Variants in SLC9A9 observed in about 807,000 individuals in gnomAD.
SLC9A9 encodes the protein solute carrier family 9 member A9.
In SLC9A9, 62 loss-of-function variants were observed where a neutral mutation model predicts 77.8. The ratio of observed to expected loss-of-function variants is 0.80; its 90% CI spans 0.65 to 0.98. The LOEUF is 0.98. Ranked by LOEUF, SLC9A9 falls within the 50% of genes least tolerant of loss-of-function variation. The pLI is 0.00. For synonymous variants in SLC9A9, 320 were observed against 283.5 expected, an observed-to-expected ratio of 1.13 and a Z score of -1.29; for missense variants, 775 against 774.9, an observed-to-expected ratio of 1.00 and a Z score of 0.00.
chr3:143,489,553 G>A (rs1268633043), intron 11 of SLC9A9, among the ~76,000 whole-genome samples: 4 of 151,750 alleles, frequency 2.6e-5, no homozygotes. Context: ...AAAATGTAAG[G>A]CCTAAAACTA....
chr3:143,784,866 T>C (rs940675923), intron 4 of SLC9A9, among the ~76,000 whole-genome samples: 2 of 152,168 alleles, frequency 1.3e-5, no homozygotes, highest in African/African-American at 4.8e-5. Flanking sequence ...TAAGCCCTCA[T>C]GAGTGAGATG....
At chr3:143,297,066 T>C (rs770192325) in intron 14 of SLC9A9, among the ~76,000 whole-genome samples, 11 of 152,250 alleles carry the variant, frequency 7.2e-5, no homozygotes, top group Non-Finnish European at 1.6e-4. Flanking sequence ...TTGCTTTTAC[T>C]TCTGGTGTCA....
intron 4 of SLC9A9, among the ~76,000 whole-genome samples, chr3:143,758,820 A>G (rs1025844644): frequency 2.0e-5 from 3 of 152,120 alleles, no homozygotes; most frequent in Admixed American, 2.0e-4. Context: ...ATTTGAATGT[A>G]ATGTCTACAT....
Position 143,493,742 on chromosome 3 carries a change from G to A in SLC9A9, c.1226C>T (p.Ala409Val), listed in dbSNP as rs765355968. 2.5e-6 allele frequency: 4 copies of A among 1,613,858 alleles called. No individual in the cohort carries two copies. The South Asian group carries it at 3.3e-5, about 13-fold the overall frequency. The change falls in exon 11 of 16, where the codon GCC becomes GTC. Residue 409 changes from alanine to valine, a missense_variant. Transcript: ENST00000316549. ...GAAGGAGAGGGGATATATGTTGCAGGCTCTGGCAACAAAAATTGCTAGCTG... is the reference window on the plus strand; with the variant it reads ...GAAGGAGAGGGGATATATGTTGCAGACTCTGGCAACAAAAATTGCTAGCTG... ...GAFLAIFVAR[A>V]CNIYPLSFLL...
chr3:143,495,246 G>C (rs2035812599), intron 10 of SLC9A9, 89 bp downstream of exon 10: 3 of 1,139,008 alleles, frequency 2.6e-6, no homozygotes, highest in Non-Finnish European at 4.0e-6. Context: ...CTTTAGGAAA[G>C]TGCTTTAATG....
chr3:143,400,347 C>A (rs1177436663), intron 12 of SLC9A9, among the ~76,000 whole-genome samples: 2 of 152,094 alleles, frequency 1.3e-5, no homozygotes, highest in African/African-American at 4.8e-5. Flanking sequence ...TGCTCTACTA[C>A]TCAGCCGTAA....
chr3:143,600,333 G>A lies in SLC9A9; in HGVS notation c.756-21610C>T, dbSNP rs143339257. Among the ~76,000 whole-genome samples, 7 of 152,142 alleles carry A rather than the reference G, an allele frequency of 4.6e-5. No homozygotes were observed. In the East Asian group the frequency reaches 1.2e-3, roughly 25 times the overall value. On this transcript the variant is annotated intron_variant, in intron 6 of 15. Coordinates refer to ENST00000316549, the MANE Select transcript of SLC9A9 (RefSeq NM_173653.4). ...TTGAGAATGATGGTTTCCCATCAAC[G>A]ATAGATTAGATAAAGAAAATGTGGC...
chr3:143,370,027 G>A (rs958266042), intron 13 of SLC9A9, among the ~76,000 whole-genome samples: 1 of 152,210 alleles, frequency 6.6e-6, no homozygotes, highest in Non-Finnish European at 1.5e-5. Context: ...CTGACATCTT[G>A]ACTGCAACCT....
chr3:143,582,651 C>G (rs1306382436), intron 6 of SLC9A9, among the ~76,000 whole-genome samples: 1 of 152,144 alleles, frequency 6.6e-6, no homozygotes, highest in Non-Finnish European at 1.5e-5. Context: ...AGGAGTGGGG[C>G]TAAAATGTTC....
At chr3:143,459,042 A>G (rs1018337802) in intron 12 of SLC9A9, among the ~76,000 whole-genome samples, 2 of 151,986 alleles carry the variant, frequency 1.3e-5, no homozygotes, top group Non-Finnish European at 2.9e-5. Flanking sequence ...GCTAATTAAG[A>G]GAATATTTTG....
chr3:143,609,853 C>G (rs1331570028), intron 6 of SLC9A9, among the ~76,000 whole-genome samples: 8 of 152,092 alleles, frequency 5.3e-5, no homozygotes, highest in Non-Finnish European at 1.0e-4. Context: ...TAAACCAGTT[C>G]TGTACTGATG....
intron 12 of SLC9A9, among the ~76,000 whole-genome samples, chr3:143,430,009 C>G (rs1201152880): frequency 2.0e-5 from 3 of 152,226 alleles, no homozygotes; most frequent in African/African-American, 7.2e-5. Flanking sequence ...AAACCAGCCA[C>G]TCTGGTGCCC....
chr3:143,357,250 C>G (rs920731066), intron 14 of SLC9A9, among the ~76,000 whole-genome samples: 71 of 152,142 alleles, frequency 4.7e-4, no homozygotes, highest in African/African-American at 1.6e-3. Context: ...GTTCATCCCC[C>G]CATGAAATTC....
At position 143,388,121 on chromosome 3, in the gene SLC9A9, C is replaced by G. The variant is rs1003100340; in HGVS notation, c.1470-6007G>C. Among the ~76,000 whole-genome samples, 28 of 152,194 alleles carry G rather than the reference C, an allele frequency of 1.8e-4. 1 individual carries two copies. Among genetic ancestry groups the G allele is most frequent in the Admixed American group, 1.6e-3 (25 of 15,284 alleles). ...TGGCTGGAGATTGAGCACATAAATA[C>G]AGCTTGACAATGGAGGAGTCTGAAA... On this transcript the variant is annotated intron_variant, in intron 12 of 15. Coordinates refer to ENST00000316549, the MANE Select transcript of SLC9A9 (RefSeq NM_173653.4).
chr3:143,815,531 G>T (rs1314705888), intron 2 of SLC9A9, among the ~76,000 whole-genome samples: 1 of 151,406 alleles, frequency 6.6e-6, no homozygotes, highest in Non-Finnish European at 1.5e-5. Flanking sequence ...TTGAATGAAG[G>T]GCTTTTTGCT....
At chr3:143,568,376 C>T (rs1228288089) in intron 8 of SLC9A9, among the ~76,000 whole-genome samples, 1 of 152,082 alleles carries the variant, frequency 6.6e-6, no homozygotes, top group African/African-American at 2.4e-5. Context: ...CATTAGGATG[C>T]TATTACCAGT....
intron 12 of SLC9A9, among the ~76,000 whole-genome samples, chr3:143,410,298 T>A (rs1429071377): frequency 6.6e-6 from 1 of 152,246 alleles, no homozygotes; most frequent in Non-Finnish European, 1.5e-5. Flanking sequence ...TAAGCAGGGC[T>A]ATAATAGATT....
At chr3:143,826,249 ACT>A (rs201731305) in intron 2 of SLC9A9, among the ~76,000 whole-genome samples, 2,348 of 144,344 alleles carry the variant, frequency 0.016, 26 homozygotes, top group African/African-American at 0.035. Flanking sequence ...ACAGAGCAAG[ACT>A]CTGTCTTGAA....
chr3:143,631,418 C>A (rs1399559725), intron 6 of SLC9A9, among the ~76,000 whole-genome samples: 1 of 152,090 alleles, frequency 6.6e-6, no homozygotes, highest in Non-Finnish European at 1.5e-5. Flanking sequence ...TTTACTTTTT[C>A]TATTATTTAA....
Sources: gnomAD v4.1 joint callset for allele counts (sites outside exome capture counted in the v4.1 genomes callset) on GRCh38, gnomAD v4.1.1 for gene constraint, MANE v1.5 for transcripts, NCBI Gene and HGNC (gene_info 2026-07-23, HGNC 2026-07-21) for gene names.